Variants in DDX42 observed in about 807,000 individuals in gnomAD.
DDX42 encodes the protein ATP-dependent RNA helicase DDX42.
Under a neutral mutation model 101.5 loss-of-function variants are expected in DDX42, and 22 were observed. The observed-to-expected ratio is 0.22, with a 90% CI of 0.15 to 0.31. The LOEUF (loss-of-function observed/expected upper bound fraction) is 0.31. Ranked by LOEUF, DDX42 falls within the 10% of genes least tolerant of loss-of-function variation. DDX42 has a pLI of 1.00. For missense variants in DDX42, 849 were observed against 1,199.9 expected (o/e 0.71, Z 4.32); for synonymous variants, 402 against 401.2 (o/e 1.00, Z -0.02).
At chr17:63,813,874 C>CT (rs1309377024) in intron 15 of DDX42, among the ~76,000 whole-genome samples, 8 of 151,952 alleles carry the variant, frequency 5.3e-5, no homozygotes, top group South Asian at 2.1e-4. Context: ...GAATCTCACT[C>CT]TATCGCCCAG....
chr17:63,791,003 G>A (rs117975509), intron 2 of DDX42, among the ~76,000 whole-genome samples: 7 of 152,186 alleles, frequency 4.6e-5, no homozygotes, highest in African/African-American at 1.4e-4. Context: ...TTACATTAGT[G>A]TGTATATATA....
intron 6 of DDX42, among the ~76,000 whole-genome samples, chr17:63,803,702 A>G (rs946773078): frequency 6.7e-6 from 1 of 149,092 alleles, no homozygotes; most frequent in Non-Finnish European, 1.5e-5. Flanking sequence ...GCTGGAGTGC[A>G]GTGACGCAAC....
chr17:63,805,035 G>C (rs1333439256), intron 6 of DDX42, 36 bp from the exon 7 acceptor site: 2 of 1,571,054 alleles, frequency 1.3e-6, no homozygotes, highest in Non-Finnish European at 1.7e-6. Context: ...ATTGACTCTT[G>C]AATTCTAGAC....
rs566903511 is a variant in DDX42 at position 63,810,409 on chromosome 17, T to C, written c.1253-104T>C. 85 of 1,257,372 alleles carry C rather than the reference T, an allele frequency of 6.8e-5. No homozygotes were observed. The African/African-American group carries it at 1.0e-3, about 15-fold the overall frequency. The allele number at this position is 1,257,372 out of a possible 1,614,324, so 77.9% of individuals were successfully genotyped here. On this transcript the variant is annotated intron_variant, in intron 11 of 17. Coordinates refer to ENST00000389924, the MANE Select transcript of DDX42 (RefSeq NM_203499.3). Reference sequence around the variant, plus strand: ...CCTGGCCTGGGGTTTCTAATTTTCTTAATTCTTACAACTTCTTATGAAGAC... The same window carrying C: ...CCTGGCCTGGGGTTTCTAATTTTCTCAATTCTTACAACTTCTTATGAAGAC...
chr17:63,808,000 G>C, intron 9 of DDX42, 100 bp downstream of exon 9: 1 of 1,115,366 alleles, frequency 9.0e-7, no homozygotes, highest in Non-Finnish European at 1.2e-6. Context: ...TTTTTTAATT[G>C]TGATAAGATA....
In DDX42 at chr17:63,789,549, T is replaced by G. The variant is rs1320927988; in HGVS notation, c.221+2279T>G. 1.6e-4 allele frequency among the ~76,000 whole-genome samples: 3 copies of G among 19,242 alleles called. No homozygotes were observed. The African/African-American group carries it at 3.1e-3, about 20-fold the overall frequency. 12.6% of individuals were successfully genotyped at this position (19,242 alleles called of 152,430 possible). On this transcript the variant is annotated intron_variant, in intron 2 of 17. Transcript: ENST00000389924. ...GGAAAAAAAAGCTTCTAAAAGACTT[T>G]TTTGTTTTTGTTTTTGTTTTTGTTT...
intron 1 of DDX42, chr17:63,776,404 T>C (rs2039421421): frequency 6.6e-6 from 1 of 152,402 alleles, no homozygotes; most frequent in African/African-American, 2.4e-5. Context: ...TTGCCCTTGC[T>C]TGTTAGCTCA....
chr17:63,812,653 C>T (rs1401795051), intron 14 of DDX42, among the ~76,000 whole-genome samples: 1 of 152,134 alleles, frequency 6.6e-6, no homozygotes, highest in Admixed American at 6.5e-5. Flanking sequence ...AAGGAGAGAA[C>T]TTCTCAGCTT....
intron 11 of DDX42, among the ~76,000 whole-genome samples, chr17:63,809,875 G>A (rs1457413537): frequency 6.6e-6 from 1 of 152,158 alleles, no homozygotes; most frequent in East Asian, 1.9e-4. Context: ...AAGTGCCTTT[G>A]TATATAAGGG....
intron 17 of DDX42, 140 bp from the exon 18 acceptor site, chr17:63,817,554 A>G (rs747482237): frequency 5.1e-5 from 39 of 759,336 alleles, no homozygotes; most frequent in Non-Finnish European, 8.0e-5. Context: ...AAGGGACCAT[A>G]CTGTGGGGCC....
intron 2 of DDX42, among the ~76,000 whole-genome samples, chr17:63,789,349 A>C (rs2039591077): frequency 6.6e-6 from 1 of 151,532 alleles, no homozygotes; most frequent in Non-Finnish European, 1.5e-5. Flanking sequence ...AAAATGCTGG[A>C]ATTAAAGGCC....
chr17:63,809,280 G>A (rs560975104), intron 10 of DDX42, among the ~76,000 whole-genome samples: 2 of 152,282 alleles, frequency 1.3e-5, no homozygotes, highest in Admixed American at 1.3e-4. Flanking sequence ...ATTGAAACCT[G>A]TCATTATGCT....
rs1290286743 is a variant in DDX42 at position 63,810,532 on chromosome 17, A to G, written c.1272A>G (p.Ile424Met). ...TTGCAGAGTACCAAGTTCGATCCAT[A>G]GCAAGTCATGTTCGTCCTGACAGGC... ...DMGFEYQVRS[I>M]ASHVRPDRQT... The change falls in exon 12 of 18, where the codon ATA (isoleucine) becomes ATG (methionine). Residue 424 changes from isoleucine (I) to methionine (M), a missense_variant. By Grantham distance (10) the Ile-to-Met change is conservative. Coordinates refer to ENST00000389924, the MANE Select transcript of DDX42 (RefSeq NM_203499.3). The G allele has an allele frequency of 6.2e-7, 1 of 1,614,114 alleles. No homozygotes were observed. The highest frequency in any genetic ancestry group is 2.2e-5 in the East Asian group (1 of 44,878).
intron 4 of DDX42, among the ~76,000 whole-genome samples, chr17:63,798,747 G>C (rs1039303574): frequency 2.0e-5 from 3 of 152,132 alleles, no homozygotes; most frequent in African/African-American, 7.2e-5. Flanking sequence ...AACTCCTAAG[G>C]CTTTTTCTGC....
intron 2 of DDX42, among the ~76,000 whole-genome samples, chr17:63,789,581 T>G (rs978127408): frequency 1.9e-5 from 2 of 104,062 alleles, no homozygotes; most frequent in Admixed American, 1.1e-4. Flanking sequence ...GTTTTTTTTT[T>G]TTTTTTTTTG....
At chr17:63,805,249 A>G in intron 7 of DDX42, 74 bp downstream of exon 7, 2 of 1,529,278 alleles carry the variant, frequency 1.3e-6, no homozygotes, top group African/African-American at 2.8e-5. Context: ...GGTTATCTAA[A>G]CTAATAACCT....
rs781686858 is a variant in DDX42 at position 63,813,246 on chromosome 17, C to T, written c.1694C>T (p.Pro565Leu). ...ATTTCAGCCCGTGGTCTGGACATTC[C>T]TTCAATTAAGACTGTCATTAACTAT... ...TDVAARGLDI[P>L]SIKTVINYDV... Residue 565 changes from proline (P) to leucine (L), a missense_variant, in exon 15 of 18, where the codon CCT becomes CTT. By Grantham distance (98) the Pro-to-Leu change is moderately conservative. Coordinates refer to ENST00000389924, the MANE Select transcript of DDX42 (RefSeq NM_203499.3). The T allele has an allele frequency of 6.2e-7, 1 of 1,607,124 alleles. No individual in the cohort carries two copies. Among genetic ancestry groups the T allele is most frequent in the Admixed American group, 1.7e-5 (1 of 59,642 alleles).
At chr17:63,791,716 G>T (rs2039630144) in intron 2 of DDX42, among the ~76,000 whole-genome samples, 1 of 152,082 alleles carries the variant, frequency 6.6e-6, no homozygotes, top group African/African-American at 2.4e-5. Flanking sequence ...TTTTATTAAG[G>T]GTTATAAAGA....
At chr17:63,794,246 A>T (rs1471840847) in intron 3 of DDX42, among the ~76,000 whole-genome samples, 2 of 152,122 alleles carry the variant, frequency 1.3e-5, no homozygotes, top group Non-Finnish European at 1.5e-5. Flanking sequence ...CATACTTAAA[A>T]ACTGTCACTT....
Sources: allele counts gnomAD v4.1 joint callset (sites outside exome capture counted in the v4.1 genomes callset), GRCh38; gene constraint gnomAD v4.1.1; transcripts MANE v1.5; gene names NCBI Gene and HGNC (gene_info 2026-07-23, HGNC 2026-07-21).